The following GRID2 variants were observed in gnomAD, a reference collection of about 807,000 sequenced individuals.
GRID2 encodes glutamate receptor ionotropic, delta-2.
A neutral mutation model predicts 114.8 loss-of-function variants in GRID2; 33 were observed. The ratio of observed to expected loss-of-function variants is 0.29; its 90% confidence interval spans 0.22 to 0.38. The LOEUF (loss-of-function observed/expected upper bound fraction) is 0.38, where lower values mean the gene tolerates loss of function less well. Among genes scored for constraint, GRID2 ranks in the 10% least tolerant of loss-of-function variants. The pLI is 1.00. For missense variants in GRID2, 1,184 were observed against 1,257.7 expected (o/e 0.94, Z 0.89); for synonymous variants, 505 against 449.9 (o/e 1.12, Z -1.55).
chr4:93,234,321 A>C (rs990367747), intron 7 of GRID2, among the ~76,000 whole-genome samples: 4 of 152,156 alleles, frequency 2.6e-5, no homozygotes, highest in South Asian at 4.2e-4. Context: ...GCAATTCTCT[A>C]TATATAATAT....
At chr4:92,606,199 A>G (rs1006364794) in intron 2 of GRID2, among the ~76,000 whole-genome samples, 1 of 152,068 alleles carries the variant, frequency 6.6e-6, no homozygotes, top group East Asian at 1.9e-4. Context: ...AAAGAGCCTC[A>G]TTTGATAAAG....
At chr4:92,905,215 A>T (rs936525717) in intron 2 of GRID2, among the ~76,000 whole-genome samples, 7 of 151,742 alleles carry the variant, frequency 4.6e-5, no homozygotes, top group Non-Finnish European at 1.0e-4. Flanking sequence ...AGTTAGTGCC[A>T]CTCTAATTAA....
chr4:92,947,530 AG>A (rs1167260066), intron 2 of GRID2, among the ~76,000 whole-genome samples: 1 of 151,850 alleles, frequency 6.6e-6, no homozygotes, highest in Non-Finnish European at 1.5e-5. Flanking sequence ...AAACTTGCAA[AG>A]TTTCAGATTT....
In GRID2 at chr4:92,652,796, T is replaced by TG. The variant is rs1483830496; in HGVS notation, c.244+62511dup. Among the ~76,000 whole-genome samples, 11 of 131,152 alleles carry TG rather than the reference T, an allele frequency of 8.4e-5. 1 individual carries two copies. Among genetic ancestry groups the TG allele is most frequent in the African/African-American group, 3.3e-4 (11 of 33,366 alleles). The allele number at this position is 131,152 out of a possible 152,430, so 86.0% of individuals were successfully genotyped here. A position where few individuals can be genotyped will look rare whatever the true frequency, so the allele number is the denominator to read the frequency against. On this transcript the variant is annotated intron_variant, in intron 2 of 15. Coordinates refer to ENST00000282020, the MANE Select transcript of GRID2 (RefSeq NM_001510.4). ...TTCAAGACCAGCCTGGCCAAGATGGTGAAAAAAAAAATATATATATATATA... is the reference window on the plus strand; with the variant it reads ...TTCAAGACCAGCCTGGCCAAGATGGTGGAAAAAAAAAATATATATATATATA...
chr4:92,522,945 T>C (rs1724862155), intron 1 of GRID2, among the ~76,000 whole-genome samples: 1 of 151,868 alleles, frequency 6.6e-6, no homozygotes, highest in African/African-American at 2.4e-5. Context: ...GGTTTTAAGT[T>C]TGGAGGAATT....
intron 8 of GRID2, among the ~76,000 whole-genome samples, chr4:93,355,759 G>A (rs1294375995): frequency 6.6e-6 from 1 of 151,922 alleles, no homozygotes; most frequent in Non-Finnish European, 1.5e-5. Context: ...GCAGGACCTC[G>A]CATCAGCAAA....
intron 1 of GRID2, among the ~76,000 whole-genome samples, chr4:92,428,582 G>A (rs887030684): frequency 4.6e-5 from 7 of 151,778 alleles, no homozygotes; most frequent in African/African-American, 1.5e-4. Flanking sequence ...TCTTTTTATT[G>A]AACATTTTGC....
intron 13 of GRID2, among the ~76,000 whole-genome samples, chr4:93,614,337 C>G (rs1433363897): frequency 6.6e-6 from 1 of 152,100 alleles, no homozygotes; most frequent in East Asian, 1.9e-4. Flanking sequence ...GGCTCCTCCC[C>G]CCTGAAAATT....
intron 13 of GRID2, among the ~76,000 whole-genome samples, chr4:93,552,569 A>C (rs1219151474): frequency 2.6e-5 from 4 of 152,158 alleles, no homozygotes; most frequent in Admixed American, 6.5e-5. Context: ...AGTGGTCGCC[A>C]TTCTAACTGG....
At chr4:93,495,827 C>T (rs1388195628) in intron 12 of GRID2, among the ~76,000 whole-genome samples, 1 of 151,544 alleles carries the variant, frequency 6.6e-6, no homozygotes, top group Non-Finnish European at 1.5e-5. Flanking sequence ...CTAATATTTA[C>T]TTATGTAGTG....
At chr4:93,150,516 T>C (rs748916136) in intron 4 of GRID2, among the ~76,000 whole-genome samples, 1 of 152,102 alleles carries the variant, frequency 6.6e-6, no homozygotes, top group Admixed American at 6.6e-5. Context: ...TGTGCCCCCA[T>C]TGGCACCCTT....
At chr4:93,788,931 G>C (rs985616708) in intron 1 of GRID2, among the ~76,000 whole-genome samples, 2 of 152,174 alleles carry the variant, frequency 1.3e-5, no homozygotes, top group Non-Finnish European at 2.9e-5. Context: ...CCTACCTCTT[G>C]AGGAGTCCTG....
At chr4:92,480,682 T>C (rs533595228) in intron 1 of GRID2, among the ~76,000 whole-genome samples, 1 of 152,296 alleles carries the variant, frequency 6.6e-6, no homozygotes, top group East Asian at 1.9e-4. Context: ...TTCCTTGACT[T>C]GTGGTCGCTC....
At chr4:93,397,039 T>C (rs927320301) in intron 9 of GRID2, among the ~76,000 whole-genome samples, 1 of 152,004 alleles carries the variant, frequency 6.6e-6, no homozygotes. Flanking sequence ...TTTTGATACG[T>C]TGATGCTAAT....
intron 13 of GRID2, among the ~76,000 whole-genome samples, chr4:93,527,286 T>A (rs1731006754): frequency 6.6e-6 from 1 of 152,220 alleles, no homozygotes; most frequent in Admixed American, 6.6e-5. Flanking sequence ...TCCATAACTC[T>A]ATTATTTTTC....
chr4:92,361,618 C>A (rs1049769776), intron 1 of GRID2, among the ~76,000 whole-genome samples: 1 of 151,894 alleles, frequency 6.6e-6, no homozygotes, highest in Admixed American at 6.6e-5. Context: ...CCTGGACAAT[C>A]TCAGAGGAAG....
intron 8 of GRID2, among the ~76,000 whole-genome samples, chr4:93,258,268 T>C (rs1749845642): frequency 6.6e-6 from 1 of 151,362 alleles, no homozygotes; most frequent in African/African-American, 2.4e-5. Flanking sequence ...AAAGACAAAC[T>C]TTTCACTTGC....
At chr4:92,477,270 T>G (rs1722367481) in intron 1 of GRID2, among the ~76,000 whole-genome samples, 1 of 152,132 alleles carries the variant, frequency 6.6e-6, no homozygotes, top group Non-Finnish European at 1.5e-5. Context: ...TGCAAAGATA[T>G]TTAAGGTCTC....
At chr4:93,039,590 G>A (rs1725291871) in intron 2 of GRID2, among the ~76,000 whole-genome samples, 1 of 152,078 alleles carries the variant, frequency 6.6e-6, no homozygotes, top group Non-Finnish European at 1.5e-5. Context: ...ACCAGGAAGT[G>A]AGCTGTTTTG....
Sources: allele counts gnomAD v4.1 joint callset (sites outside exome capture counted in the v4.1 genomes callset), GRCh38; gene constraint gnomAD v4.1.1; transcripts MANE v1.5; gene names NCBI Gene and HGNC (gene_info 2026-07-23, HGNC 2026-07-21).